The following DLG2 variants were observed in gnomAD, a reference collection of about 807,000 sequenced individuals.
DLG2 encodes the protein discs large MAGUK scaffold protein 2.
In DLG2, 45 loss-of-function variants were observed where a neutral mutation model predicts 132.5. The observed-to-expected ratio is 0.34, with a 90% CI of 0.27 to 0.44. The LOEUF (loss-of-function observed/expected upper bound fraction) is 0.44. Among genes scored for constraint, DLG2 ranks in the 20% least tolerant of loss-of-function variants. The pLI, the probability that DLG2 is intolerant of heterozygous loss-of-function variation, is 1.00. For missense variants in DLG2, 1,045 were observed against 1,196.9 expected, an observed-to-expected ratio of 0.87 and a Z score of 1.87; for synonymous variants, 424 against 419.6, an observed-to-expected ratio of 1.01 and a Z score of -0.13.
intron 3 of DLG2, among the ~76,000 whole-genome samples, chr11:85,384,042 T>C (rs371207109): frequency 6.6e-6 from 1 of 152,212 alleles, no homozygotes; most frequent in South Asian, 2.1e-4. Flanking sequence ...TCCTAGTTAA[T>C]ACTCCTTTAT....
rs180993366 is a variant in DLG2 at position 85,569,077 on chromosome 11, G to T, written c.40+29580C>A. Among the ~76,000 whole-genome samples, 64 of 152,254 alleles carry T rather than the reference G, an allele frequency of 4.2e-4. No individual in the cohort carries two copies. The East Asian group carries it at 0.01, about 25-fold the overall frequency. On this transcript the variant is annotated intron_variant, in intron 3 of 27. Transcript: ENST00000376104. ...GATGGAGTCTCGCTCTGTCGCCCAG[G>T]CTCAAGTGCAATGGTGTGATCTCAG... is the stretch of plus-strand genomic sequence containing the variant.
At chr11:84,176,929 C>A (rs1566823848) in intron 8 of DLG2, among the ~76,000 whole-genome samples, 1 of 151,026 alleles carries the variant, frequency 6.6e-6, no homozygotes, top group African/African-American at 2.4e-5. Flanking sequence ...CTTTTCTTTT[C>A]TTTTCTTTTA....
intron 6 of DLG2, among the ~76,000 whole-genome samples, chr11:84,799,309 C>G (rs572723766): frequency 1.3e-5 from 2 of 152,308 alleles, no homozygotes; most frequent in South Asian, 4.1e-4. Flanking sequence ...CTGGGCAGCA[C>G]TGAGTTCAAT....
intron 6 of DLG2, among the ~76,000 whole-genome samples, chr11:84,570,425 T>G (rs948337653): frequency 6.6e-6 from 1 of 152,186 alleles, no homozygotes; most frequent in Non-Finnish European, 1.5e-5. Context: ...TTAATTATAA[T>G]TTTTTGTTAT....
intron 6 of DLG2, among the ~76,000 whole-genome samples, chr11:84,711,029 T>TAG (rs140830890): frequency 0.12 from 16,807 of 135,280 alleles, 1,262 homozygotes; most frequent in Non-Finnish European, 0.19. Flanking sequence ...TATATATATA[T>TAG]ATAGAGCTGA....
intron 6 of DLG2, among the ~76,000 whole-genome samples, chr11:84,838,569 T>A (rs757496405): frequency 6.6e-6 from 1 of 151,928 alleles, no homozygotes; most frequent in Admixed American, 6.6e-5. Context: ...TGCACATACC[T>A]AGTGTTTCAT....
intron 9 of DLG2, among the ~76,000 whole-genome samples, chr11:84,121,921 G>A (rs1219331806): frequency 1.1e-4 from 16 of 151,952 alleles, no homozygotes. Context: ...TTTGAATAAT[G>A]CTGAGAGATA....
At chr11:84,123,535 G>T (rs1479463911) in intron 9 of DLG2, among the ~76,000 whole-genome samples, 2 of 152,180 alleles carry the variant, frequency 1.3e-5, no homozygotes, top group Non-Finnish European at 2.9e-5. Context: ...CTTTCACTGA[G>T]TTTTGTATCT....
At chr11:84,613,577 C>T (rs2099599082) in intron 6 of DLG2, among the ~76,000 whole-genome samples, 1 of 152,186 alleles carries the variant, frequency 6.6e-6, no homozygotes, top group African/African-American at 2.4e-5. Flanking sequence ...TGGTGCCCTG[C>T]ACATAGTGAC....
chr11:84,149,992 G>T (rs963820513), intron 9 of DLG2, among the ~76,000 whole-genome samples: 1 of 152,052 alleles, frequency 6.6e-6, no homozygotes, highest in Non-Finnish European at 1.5e-5. Flanking sequence ...TCCTAACCTC[G>T]TGATCCACCC....
intron 17 of DLG2, chr11:83,790,667 C>T (rs1411525729): frequency 5.3e-6 from 5 of 950,126 alleles, no homozygotes; most frequent in Non-Finnish European, 8.7e-6. Context: ...GGACATGATG[C>T]GGACCCACTC....
Position 83,769,817 on chromosome 11 carries a change from G to A in DLG2, c.1825+16873C>T, listed in dbSNP as rs1013566703. 3.3e-5 allele frequency among the ~76,000 whole-genome samples: 5 copies of A among 151,760 alleles called. No homozygotes were observed. In the South Asian group the frequency reaches 6.3e-4, roughly 19 times the overall value. ...TGACCTCAGGTGATTCTCCCATCTC[G>A]GCCTCCCAAAGTGCTGGGATTACAG... On this transcript the variant is annotated intron_variant, in intron 18 of 27. Coordinates refer to ENST00000376104, the MANE Select transcript of DLG2 (RefSeq NM_001142699.3).
intron 7 of DLG2, chr11:84,272,424 C>T (rs1031385234): frequency 3.3e-5 from 9 of 270,810 alleles, no homozygotes; most frequent in African/African-American, 2.0e-4. Context: ...AATTGGTGAT[C>T]TCAATTCTTC....
intron 4 of DLG2, among the ~76,000 whole-genome samples, chr11:85,226,499 G>C (rs936593718): frequency 6.6e-6 from 1 of 152,068 alleles, no homozygotes; most frequent in African/African-American, 2.4e-5. Context: ...GCTACAGTGA[G>C]CTATGATCTC....
intron 18 of DLG2, among the ~76,000 whole-genome samples, chr11:83,742,101 T>C (rs906078214): frequency 4.1e-4 from 63 of 152,130 alleles, no homozygotes; most frequent in African/African-American, 1.4e-3. Flanking sequence ...GCTAGAATAC[T>C]AGAAACTTCA....
At chr11:85,164,312 G>A (rs2078265229) in intron 4 of DLG2, among the ~76,000 whole-genome samples, 1 of 151,996 alleles carries the variant, frequency 6.6e-6, no homozygotes, top group Non-Finnish European at 1.5e-5. Flanking sequence ...AGGAATATTT[G>A]GGGCTGGTAC....
chr11:83,945,989 C>CTTTTT (rs1565755834), intron 14 of DLG2, among the ~76,000 whole-genome samples: 1 of 123,508 alleles, frequency 8.1e-6, no homozygotes, highest in African/African-American at 3.5e-5. Flanking sequence ...CTTTCTCTCT[C>CTTTTT]TCTCTTTTTT....
intron 21 of DLG2, among the ~76,000 whole-genome samples, chr11:83,510,839 T>TTG (rs1421946671): frequency 6.9e-6 from 1 of 145,474 alleles, no homozygotes; most frequent in Non-Finnish European, 1.5e-5. Flanking sequence ...CGTTTTTTTT[T>TTG]TTTTTTTTTT....
chr11:84,082,785 T>A (rs1467891393), intron 10 of DLG2, among the ~76,000 whole-genome samples: 1 of 152,280 alleles, frequency 6.6e-6, no homozygotes, highest in Non-Finnish European at 1.5e-5. Context: ...TACACCTCCA[T>A]AGGCTTCTGG....
Sources: allele counts gnomAD v4.1 joint callset (sites outside exome capture counted in the v4.1 genomes callset), GRCh38; gene constraint gnomAD v4.1.1; transcripts MANE v1.5; gene names NCBI Gene and HGNC (gene_info 2026-07-23, HGNC 2026-07-21).